The following PCDH10 variants were observed in gnomAD, a reference collection of about 807,000 sequenced individuals.
The protein encoded by PCDH10 is protocadherin 10, also known as protocadherin-10.
In PCDH10, 15 loss-of-function variants were observed where a neutral mutation model predicts 74.4. The ratio of observed to expected loss-of-function variants is 0.20; its 90% CI spans 0.13 to 0.31. The LOEUF (loss-of-function observed/expected upper bound fraction) is 0.31, where lower values mean the gene tolerates loss of function less well. Ranked by LOEUF, PCDH10 falls within the 10% of genes least tolerant of loss-of-function variation. PCDH10 has a pLI of 1.00. For synonymous variants in PCDH10, 619 were observed against 589.8 expected (o/e 1.05, Z -0.72); for missense variants, 1,260 against 1,390.2 (o/e 0.91, Z 1.49).
chr4:133,159,609 G>A (rs1726925486), intron 3 of PCDH10, among the ~76,000 whole-genome samples: 1 of 151,820 alleles, frequency 6.6e-6, no homozygotes, highest in African/African-American at 2.4e-5. Flanking sequence ...TCAGGTGATG[G>A]TTACACTAAA....
At chr4:133,170,306 G>C (rs1197561625) in intron 4 of PCDH10, among the ~76,000 whole-genome samples, 1 of 152,012 alleles carries the variant, frequency 6.6e-6, no homozygotes, top group African/African-American at 2.4e-5. Flanking sequence ...TCTTTTGACT[G>C]TATGAAGAGA....
intron 2 of PCDH10, among the ~76,000 whole-genome samples, chr4:133,206,233 C>T (rs1451972727): frequency 6.6e-6 from 1 of 152,114 alleles, no homozygotes; most frequent in Admixed American, 6.6e-5. Context: ...AAAAAAAAAT[C>T]TAGACGACCC....
intron 2 of PCDH10, among the ~76,000 whole-genome samples, chr4:133,200,615 C>T (rs537634741): frequency 7.2e-5 from 11 of 152,138 alleles, no homozygotes; most frequent in African/African-American, 2.2e-4. Context: ...ATTTTTTAAG[C>T]GGGTCCCACA....
Position 133,151,727 on chromosome 4 carries a change from C to T in PCDH10, c.1587C>T (p.Arg529=). The T allele has an allele frequency of 2.5e-6, 4 of 1,613,188 alleles. No individual in the cohort carries two copies. Among genetic ancestry groups the T allele is most frequent in the Non-Finnish European group, 3.4e-6 (4 of 1,180,048 alleles). ...AGAACGGCTACTTGTACGCCCTGCG[C>T]TCCTTCGACTATGAGCAGCTGAAGG... ...NSENGYLYAL[R]SFDYEQLKDF... The change falls in exon 1 of 5, where the codon CGC becomes CGT. Residue 529 remains arginine, a synonymous_variant. Transcript: ENST00000264360.
In PCDH10 at chr4:133,151,561, A is replaced by C; in HGVS notation, c.1421A>C (p.Glu474Ala). 1 of 1,614,100 alleles carries C rather than the reference A, an allele frequency of 6.2e-7. No homozygotes were observed. The highest frequency in any genetic ancestry group is 8.5e-7 in the Non-Finnish European group (1 of 1,180,034). ...SQPVYDVYVT[E>A]NNVPGAYIYA... ...CCGGTCTACGACGTGTATGTGACTG[A>C]AAACAACGTGCCTGGCGCCTACATC... The change falls in exon 1 of 5, where the codon GAA becomes GCA. Residue 474 changes from glutamate to alanine, a missense_variant. Around this residue, in one of 11 missense-constraint regions of PCDH10, gnomAD observed 587 missense variants for 616.9 expected, o/e 0.95. Transcript: ENST00000264360.
intron 4 of PCDH10, among the ~76,000 whole-genome samples, chr4:133,163,591 TC>T (rs1727019974): frequency 1.3e-5 from 2 of 152,142 alleles, no homozygotes; most frequent in Admixed American, 6.6e-5. Context: ...CCTTTGAGGA[TC>T]TTGGTAATGA....
Position 133,151,546 on chromosome 4 carries a change from A to G in PCDH10, c.1406A>G (p.Asp469Gly), listed in dbSNP as rs749953433. 6.2e-7 allele frequency: 1 copy of G among 1,614,020 alleles called. No homozygotes were observed. The highest frequency in any genetic ancestry group is 8.5e-7 in the Non-Finnish European group (1 of 1,180,020). Residue 469 changes from aspartate (D) to glycine (G), a missense_variant, in exon 1 of 5, where the codon GAC (aspartate) becomes GGC (glycine). Asp to Gly is a moderately conservative substitution (Grantham distance 94, BLOSUM62 -1). Transcript: ENST00000264360. The stretch of plus-strand genomic sequence containing the variant: ...CCGCGTTTCAGCCAGCCGGTCTACG[A>G]CGTGTATGTGACTGAAAACAACGTG... ...NAPRFSQPVY[D>G]VYVTENNVPG...
chr4:133,199,983 A>G (rs1727871670), intron 2 of PCDH10, among the ~76,000 whole-genome samples: 1 of 151,118 alleles, frequency 6.6e-6, no homozygotes, highest in Non-Finnish European at 1.5e-5. Context: ...TATTTTTATT[A>G]GAGACGGGGT....
At chr4:133,195,139 T>G (rs1271304955), downstream of PCDH10, among the ~76,000 whole-genome samples, 1 of 152,062 alleles carries the variant, frequency 6.6e-6, no homozygotes, top group Non-Finnish European at 1.5e-5. Flanking sequence ...GATAGATACT[T>G]TTTACAATAT....
chr4:133,186,713 A>T (rs550055123), intron 4 of PCDH10, among the ~76,000 whole-genome samples: 1 of 152,132 alleles, frequency 6.6e-6, no homozygotes, highest in African/African-American at 2.4e-5. Flanking sequence ...CCCTAAAAGA[A>T]TAATAGGTTT....
chr4:133,202,536 A>G (rs893836090), intron 2 of PCDH10, among the ~76,000 whole-genome samples: 3 of 152,128 alleles, frequency 2.0e-5, no homozygotes, highest in African/African-American at 4.8e-5. Flanking sequence ...CCTAGTACAT[A>G]TAGTGATATC....
intron 4 of PCDH10, among the ~76,000 whole-genome samples, chr4:133,171,162 T>C (rs1029966903): frequency 1.3e-5 from 2 of 152,100 alleles, no homozygotes; most frequent in African/African-American, 2.4e-5. Context: ...CACCTTAAGA[T>C]TGGCCTGAAT....
intron 4 of PCDH10, among the ~76,000 whole-genome samples, chr4:133,188,523 C>T (rs192839688): frequency 2.0e-5 from 3 of 151,890 alleles, no homozygotes; most frequent in Non-Finnish European, 2.9e-5. Flanking sequence ...TATATTGTAT[C>T]GAATTCATTT....
chr4:133,206,342 A>G (rs1728003823), intron 2 of PCDH10, among the ~76,000 whole-genome samples: 1 of 152,166 alleles, frequency 6.6e-6, no homozygotes, highest in South Asian at 2.1e-4. Context: ...AGAATAATAA[A>G]TCTCGTGTCT....
In PCDH10 at chr4:133,151,669, T is replaced by C; in HGVS notation, c.1529T>C (p.Met510Thr). The change falls in exon 1 of 5, where the codon ATG becomes ACG. Residue 510 changes from methionine to threonine, a missense_variant. Physicochemically the swap from Met to Thr is moderately conservative, Grantham distance 81. Transcript: ENST00000264360. ...YSILECQIQG[M>T]SVFTYVSINS... ...ATCCTCGAGTGCCAGATCCAGGGCA[T>C]GAGCGTCTTCACCTACGTTTCTATC... 1.9e-6 allele frequency: 3 copies of C among 1,613,706 alleles called. No individual in the cohort carries two copies. The highest frequency in any genetic ancestry group is 2.5e-6 in the Non-Finnish European group (3 of 1,180,050).
chr4:133,168,617 A>G (rs1358196891), intron 4 of PCDH10, among the ~76,000 whole-genome samples: 1 of 151,608 alleles, frequency 6.6e-6, no homozygotes, highest in East Asian at 1.9e-4. Flanking sequence ...CTTTCTCACC[A>G]TTTATTAACT....
chr4:133,196,257 G>A (rs1429194060), downstream of PCDH10, among the ~76,000 whole-genome samples: 1 of 152,128 alleles, frequency 6.6e-6, no homozygotes, highest in African/African-American at 2.4e-5. Flanking sequence ...GTTTTTCAGA[G>A]TATTTGGGGA....
intron 4 of PCDH10, chr4:133,164,007 T>C (rs1479939098): frequency 2.2e-6 from 1 of 455,762 alleles, no homozygotes; most frequent in Admixed American, 2.4e-5. Context: ...ACAAGTGTTA[T>C]ATGCTTAAAG....
chr4:133,172,497 T>C (rs1057407618), intron 4 of PCDH10, among the ~76,000 whole-genome samples: 6 of 151,926 alleles, frequency 3.9e-5, no homozygotes, highest in Non-Finnish European at 7.4e-5. Flanking sequence ...AAGAAATGTT[T>C]ACAAAATGAG....
Sources: gnomAD v4.1 joint callset for allele counts (sites outside exome capture counted in the v4.1 genomes callset) on GRCh38, gnomAD v4.1.1 for gene constraint, gnomAD v4.1.1 regional missense constraint, MANE v1.5 for transcripts, NCBI Gene and HGNC (gene_info 2026-07-23, HGNC 2026-07-21) for gene names.